Variants in CC2D2A observed in about 807,000 individuals in gnomAD.
CC2D2A encodes the protein coiled-coil and C2 domain-containing protein 2A.
A neutral mutation model predicts 212.9 loss-of-function variants in CC2D2A; 155 were observed. The observed-to-expected ratio is 0.73, with a 90% CI of 0.64 to 0.83. The LOEUF is 0.83. Among genes scored for constraint, CC2D2A ranks in the 40% least tolerant of loss-of-function variants. CC2D2A has a pLI of 0.00. For synonymous variants in CC2D2A, 667 were observed against 686.5 expected (o/e 0.97, Z 0.44); for missense variants, 1,856 against 1,956.2 (o/e 0.95, Z 0.97).
intron 4 of CC2D2A, among the ~76,000 whole-genome samples, chr4:15,484,609 A>G (rs1714895153): frequency 6.6e-6 from 1 of 151,568 alleles, no homozygotes; most frequent in Admixed American, 6.6e-5. Context: ...AAATCTGGGT[A>G]TTTGGAAGGT....
chr4:15,570,522 T>C (rs775029938), intron 28 of CC2D2A, 26 bp downstream of exon 28: 4 of 1,460,036 alleles, frequency 2.7e-6, no homozygotes, highest in Non-Finnish European at 2.9e-6. Context: ...TAGAGGTCCA[T>C]GAGAGCAGGG....
At chr4:15,587,561 C>A (rs1720906038) in intron 31 of CC2D2A, among the ~76,000 whole-genome samples, 1 of 152,206 alleles carries the variant, frequency 6.6e-6, no homozygotes, top group South Asian at 2.1e-4. Context: ...TGAAATTTTT[C>A]TCCCCGACCC....
intron 29 of CC2D2A, 54 bp from the exon 30 acceptor site, chr4:15,579,914 G>T: frequency 7.1e-7 from 1 of 1,415,818 alleles, no homozygotes; most frequent in East Asian, 2.3e-5. Context: ...ATCTGAACAC[G>T]TACTTTCTCT....
chr4:15,529,986 T>G (rs1717744761), intron 13 of CC2D2A, among the ~76,000 whole-genome samples: 1 of 137,130 alleles, frequency 7.3e-6, no homozygotes, highest in African/African-American at 2.5e-5. Context: ...TTTATTTTTT[T>G]TTTGAGACGG....
intron 1 of CC2D2A, among the ~76,000 whole-genome samples, chr4:15,472,247 G>A (rs1370587262): frequency 4.6e-5 from 7 of 152,160 alleles, no homozygotes; most frequent in African/African-American, 1.2e-4. Flanking sequence ...TTACTCATAC[G>A]CAAATTGGGG....
At chr4:15,493,102 A>G (rs936824355) in intron 4 of CC2D2A, 1 of 336,808 alleles carries the variant, frequency 3.0e-6, no homozygotes, top group African/African-American at 2.2e-5. Context: ...CATCAGGCTT[A>G]GCCCTATCTC....
rs534370003 is a variant in CC2D2A, at chr4:15,533,150, CCTGA to C, written c.1467-40_1467-37del. 5,159 of 1,517,838 alleles carry C rather than the reference CCTGA, an allele frequency of 3.4e-3. 15 individuals carry two copies. The highest frequency in any genetic ancestry group is 4.6e-3 in the Admixed American group (180 of 39,458). The allele number at this position is 1,517,838 out of a possible 1,614,324, so 94.0% of individuals were successfully genotyped here. A position where few individuals can be genotyped will look rare whatever the true frequency, so the allele number is the denominator to read the frequency against. ...ATTATTAATTTCTTTTGCAAACACA[CCTGA>C]CTTTTTAATATATACTCATGTGTTA... On this transcript the variant is annotated intron_variant, in intron 13 of 36. Coordinates refer to ENST00000424120, the MANE Select transcript of CC2D2A (RefSeq NM_001378615.1).
chr4:15,565,605 G>T (rs1300887636), intron 24 of CC2D2A, among the ~76,000 whole-genome samples: 1 of 152,030 alleles, frequency 6.6e-6, no homozygotes, highest in Non-Finnish European at 1.5e-5. Flanking sequence ...GTTTTTGGGG[G>T]TTTTTAAATT....
rs200236654 is a variant in CC2D2A at position 15,540,872 on chromosome 4, G to A, written c.2039G>A (p.Arg680His). Reference protein sequence around the residue: ...EVSRREDVKKRSVYLKVLFNN... With the variant: ...EVSRREDVKKHSVYLKVLFNN... ...TCGAGAAGGGAGGATGTAAAGAAGC[G>A]CTCAGTGTACTTAAAAGTGCTGTTC... is the stretch of plus-strand genomic sequence containing the variant. Residue 680 changes from arginine (R) to histidine (H), a missense_variant, in exon 17 of 37, where the codon CGC becomes CAC. Around this residue, in one of 5 missense-constraint regions of CC2D2A, gnomAD observed 1,512 missense variants for 1,579.3 expected, o/e 0.96. Coordinates refer to ENST00000424120, the MANE Select transcript of CC2D2A (RefSeq NM_001378615.1). The A allele has an allele frequency of 3.3e-4, 523 of 1,599,732 alleles. 1 individual carries two copies. The highest frequency in any genetic ancestry group is 4.1e-4 in the Non-Finnish European group (484 of 1,173,072).
intron 15 of CC2D2A, among the ~76,000 whole-genome samples, chr4:15,537,380 TGTGCTGA>T (rs1047121120): frequency 4.6e-5 from 7 of 152,238 alleles, no homozygotes; most frequent in African/African-American, 7.2e-5. Flanking sequence ...TGTCCAGCAC[TGTGCTGA>T]GTATCTTACA....
rs193118180 is a variant in CC2D2A at position 15,479,614 on chromosome 4, T to A, written c.123+808T>A. 2.6e-5 allele frequency among the ~76,000 whole-genome samples: 4 copies of A among 151,972 alleles called. No homozygotes were observed. In the East Asian group the frequency reaches 7.8e-4, roughly 30 times the overall value. Reference sequence around the variant, plus strand: ...TCACTTTCAGCCTTTCAAGGGAGGGTCCAGGTGGTTGGGGAGGTACTGCCT... The same window carrying A: ...TCACTTTCAGCCTTTCAAGGGAGGGACCAGGTGGTTGGGGAGGTACTGCCT... On this transcript the variant is annotated intron_variant, in intron 3 of 36. Coordinates refer to ENST00000424120, the MANE Select transcript of CC2D2A (RefSeq NM_001378615.1).
At chr4:15,593,466 T>G (rs756467776) in intron 33 of CC2D2A, among the ~76,000 whole-genome samples, 1 of 152,172 alleles carries the variant, frequency 6.6e-6, no homozygotes, top group Non-Finnish European at 1.5e-5. Flanking sequence ...GAATACCACA[T>G]ATATGCCGAT....
chr4:15,488,695 T>A lies in CC2D2A; in HGVS notation c.247+7868T>A, dbSNP rs77162703. On this transcript the variant is annotated intron_variant, in intron 4 of 36. Transcript: ENST00000424120. ...CCCTCAGTGATACCAGCCCAGCTCC[T>A]CACCTTGAACCTGTGACCCTCTGTC... Among the ~76,000 whole-genome samples, 16 of 152,366 alleles carry A rather than the reference T, an allele frequency of 1.1e-4. No individual in the cohort carries two copies. The East Asian group carries it at 3.1e-3, about 29-fold the overall frequency.
rs547901105 is a variant in CC2D2A at position 15,550,769 on chromosome 4, C to T, written c.2182-55C>T. The T allele has an allele frequency of 5.4e-5, 71 of 1,313,330 alleles. 1 individual carries two copies. In the South Asian group the frequency reaches 6.0e-4, roughly 11 times the overall value. The allele number at this position is 1,313,330 out of a possible 1,614,324, so 81.4% of individuals were successfully genotyped here. A position where few individuals can be genotyped will look rare whatever the true frequency, so the allele number is the denominator to read the frequency against. ...TAACAACATGGACTGATTATCTGAG[C>T]GTGAGCACACACTACTGCTGTTTTT... On this transcript the variant is annotated intron_variant, in intron 17 of 36. Coordinates refer to ENST00000424120, the MANE Select transcript of CC2D2A (RefSeq NM_001378615.1).
intron 15 of CC2D2A, 130 bp downstream of exon 15, chr4:15,537,206 C>A: frequency 1.4e-6 from 1 of 713,518 alleles, no homozygotes; most frequent in East Asian, 2.8e-5. Context: ...GTCTCTTCCC[C>A]GTCCCCTGGC....
At chr4:15,535,812 A>C (rs1169959971) in intron 14 of CC2D2A, among the ~76,000 whole-genome samples, 67 of 152,184 alleles carry the variant, frequency 4.4e-4, no homozygotes, top group Non-Finnish European at 2.5e-4. Flanking sequence ...TTTATGTAAA[A>C]TGGATTACGA....
At chr4:15,511,133 G>A (rs1560157579) in intron 7 of CC2D2A, 114 bp from the exon 8 acceptor site, 30 of 1,150,694 alleles carry the variant, frequency 2.6e-5, no homozygotes, top group Middle Eastern at 2.0e-4. Flanking sequence ...AATATGCTTC[G>A]GAGGCCTGGA....
At chr4:15,505,114 A>G (rs1328189571) in intron 6 of CC2D2A, among the ~76,000 whole-genome samples, 1 of 152,228 alleles carries the variant, frequency 6.6e-6, no homozygotes, top group East Asian at 1.9e-4. Context: ...TACCGGGCAC[A>G]TGGTCAGCCC....
intron 1 of CC2D2A, among the ~76,000 whole-genome samples, chr4:15,470,936 A>G (rs1456710108): frequency 6.6e-6 from 1 of 152,052 alleles, no homozygotes; most frequent in African/African-American, 2.4e-5. Flanking sequence ...AAACACTGAG[A>G]GGACAGTGGG....
Sources: gnomAD v4.1 joint callset for allele counts (sites outside exome capture counted in the v4.1 genomes callset) on GRCh38, gnomAD v4.1.1 for gene constraint, gnomAD v4.1.1 regional missense constraint, MANE v1.5 for transcripts, NCBI Gene and HGNC (gene_info 2026-07-23, HGNC 2026-07-21) for gene names.